Variants in TANC2 observed in about 807,000 individuals in gnomAD.
The protein encoded by TANC2 is protein TANC2.
In TANC2, 26 loss-of-function variants were observed where a neutral mutation model predicts 210.5. The ratio of observed to expected loss-of-function variants is 0.12; its 90% CI spans 0.09 to 0.17. TANC2 has a LOEUF of 0.17. Ranked by LOEUF, TANC2 falls within the 10% of genes least tolerant of loss-of-function variation. The pLI is 1.00. For synonymous variants in TANC2, 931 were observed against 967.1 expected (o/e 0.96, Z 0.69); for missense variants, 2,129 against 2,608.9 (o/e 0.82, Z 4.01).
intron 9 of TANC2, among the ~76,000 whole-genome samples, chr17:63,303,590 G>T (rs141506518): frequency 1.3e-5 from 2 of 152,052 alleles, no homozygotes; most frequent in Non-Finnish European, 2.9e-5. Flanking sequence ...TGATCGTCTC[G>T]TGGAGTATCT....
At chr17:63,204,820 C>T (rs544514719) in intron 7 of TANC2, among the ~76,000 whole-genome samples, 14 of 152,286 alleles carry the variant, frequency 9.2e-5, no homozygotes, top group African/African-American at 3.4e-4. Flanking sequence ...TGCAGTGGCT[C>T]ATGCCTGTAA....
At chr17:63,067,097 A>G (rs1157556411) in intron 2 of TANC2, among the ~76,000 whole-genome samples, 1 of 152,232 alleles carries the variant, frequency 6.6e-6, no homozygotes, top group Non-Finnish European at 1.5e-5. Flanking sequence ...GAAAAATGTA[A>G]CTAACATTTC....
intron 7 of TANC2, among the ~76,000 whole-genome samples, chr17:63,201,223 G>T (rs1221924501): frequency 6.6e-6 from 1 of 152,004 alleles, no homozygotes; most frequent in Non-Finnish European, 1.5e-5. Flanking sequence ...ACTTCTTCCT[G>T]TAAATGCACG....
intron 4 of TANC2, among the ~76,000 whole-genome samples, chr17:63,128,152 A>G (rs1054147881): frequency 6.6e-6 from 1 of 152,188 alleles, no homozygotes; most frequent in Non-Finnish European, 1.5e-5. Flanking sequence ...GAAAAACTCA[A>G]TATCAATAAA....
intron 19 of TANC2, among the ~76,000 whole-genome samples, chr17:63,403,038 A>G (rs2048390238): frequency 1.3e-5 from 2 of 152,242 alleles, no homozygotes; most frequent in African/African-American, 4.8e-5. Context: ...GAGATGATAC[A>G]ACAAAGAAAA....
intron 9 of TANC2, among the ~76,000 whole-genome samples, chr17:63,283,139 TG>T (rs1174706398): frequency 6.6e-6 from 1 of 152,076 alleles, no homozygotes; most frequent in African/African-American, 2.4e-5. Context: ...GCAAGATATG[TG>T]TCAACATTCT....
chr17:63,410,289 T>C (rs920036472), intron 21 of TANC2, among the ~76,000 whole-genome samples: 10 of 152,074 alleles, frequency 6.6e-5, no homozygotes, highest in African/African-American at 2.2e-4. Flanking sequence ...CTTGAACTTA[T>C]TTCTTCTTTC....
intron 1 of TANC2, among the ~76,000 whole-genome samples, chr17:62,984,050 A>T (rs2032443009): frequency 1.3e-5 from 2 of 152,052 alleles, no homozygotes; most frequent in Non-Finnish European, 2.9e-5. Flanking sequence ...AGTATTAATT[A>T]TTCTTTAAGG....
exon 28 of TANC2, chr17:63,427,030 G>T (rs1223544396): frequency 6.6e-6 from 1 of 152,196 alleles, no homozygotes; most frequent in East Asian, 1.9e-4. Flanking sequence ...TCATTCACAG[G>T]TGATTTTGGA....
intron 5 of TANC2, chr17:63,152,385 G>A (rs1211168611): frequency 6.6e-6 from 1 of 152,018 alleles, no homozygotes; most frequent in Non-Finnish European, 1.5e-5. Flanking sequence ...GAAAATTTGG[G>A]CCAAACCTCA....
chr17:63,102,059 C>G (rs2037642202), intron 4 of TANC2, among the ~76,000 whole-genome samples: 1 of 152,124 alleles, frequency 6.6e-6, no homozygotes, highest in East Asian at 1.9e-4. Flanking sequence ...TCAGCACTTT[C>G]AGAGGCCGAG....
At chr17:63,424,207 C>G (rs762801513) in exon 28 of TANC2, 5 of 152,290 alleles carry the variant, frequency 3.3e-5, no homozygotes, top group Non-Finnish European at 5.9e-5. Context: ...GCCGCTGATG[C>G]CGCTTCTCCC....
At chr17:63,076,784 C>T (rs2036586386) in intron 3 of TANC2, among the ~76,000 whole-genome samples, 1 of 152,026 alleles carries the variant, frequency 6.6e-6, no homozygotes, top group African/African-American at 2.4e-5. Flanking sequence ...CATTGAAATT[C>T]TGATAGTAAA....
chr17:62,987,942 T>C (rs2032656882), intron 1 of TANC2, among the ~76,000 whole-genome samples: 1 of 152,146 alleles, frequency 6.6e-6, no homozygotes, highest in Non-Finnish European at 1.5e-5. Flanking sequence ...AGCAGTAACA[T>C]GATTAAAAAG....
chr17:63,182,617 A>G (rs2040829077), intron 5 of TANC2: 1 of 181,198 alleles, frequency 5.5e-6, no homozygotes. Flanking sequence ...TTGGATTTCC[A>G]TGTTTTGGAA....
rs553884941 is a variant in TANC2 at position 63,332,184 on chromosome 17, T to C, written c.1576-7917T>C. 4 of 382,992 alleles carry C rather than the reference T, an allele frequency of 1.0e-5. No individual in the cohort carries two copies. The East Asian group carries it at 3.2e-4, about 31-fold the overall frequency. 23.7% of individuals were successfully genotyped at this position (382,992 alleles called of 1,614,324 possible). ...CAAAAGTTGCAAAGCCACACACTGT[T>C]TTTACATATTTCTTCTTTGCTCTGG... On this transcript the variant is annotated intron_variant, in intron 11 of 27. Transcript: ENST00000689528.
chr17:63,384,063 G>A (rs1333214525), intron 15 of TANC2, among the ~76,000 whole-genome samples: 1 of 151,828 alleles, frequency 6.6e-6, no homozygotes, highest in Admixed American at 6.6e-5. Context: ...TAAGCAAGTT[G>A]TTTAACTTTT....
chr17:63,228,836 A>G (rs1003225529), intron 7 of TANC2, among the ~76,000 whole-genome samples: 6 of 152,166 alleles, frequency 3.9e-5, no homozygotes, highest in African/African-American at 1.4e-4. Context: ...TGGGGCTGAG[A>G]TAATGGGATT....
chr17:63,167,855 A>T (rs1039779206), intron 5 of TANC2, among the ~76,000 whole-genome samples: 21 of 132,756 alleles, frequency 1.6e-4, no homozygotes, highest in Non-Finnish European at 3.1e-5. Flanking sequence ...ACTGCACTGC[A>T]GCCTGGGTGA....
Sources: allele counts gnomAD v4.1 joint callset (sites outside exome capture counted in the v4.1 genomes callset), GRCh38; gene constraint gnomAD v4.1.1; transcripts MANE v1.5; gene names NCBI Gene and HGNC (gene_info 2026-07-23, HGNC 2026-07-21).